Variants in BMERB1 observed in about 807,000 individuals in gnomAD.
BMERB1 encodes the protein bMERB domain containing 1, also known as bMERB domain-containing protein 1.
A neutral mutation model predicts 23.6 loss-of-function variants in BMERB1; 12 were observed. The ratio of observed to expected loss-of-function variants is 0.51; its 90% CI spans 0.33 to 0.82. The LOEUF (loss-of-function observed/expected upper bound fraction) is 0.82. Among genes scored for constraint, BMERB1 ranks in the 40% least tolerant of loss-of-function variants. The probability of loss-of-function intolerance (pLI) is 0.03; values close to 1 mark genes in which losing one functional copy is unlikely to be tolerated. For synonymous variants in BMERB1, 122 were observed against 96.6 expected (o/e 1.26, Z -1.54); for missense variants, 247 against 255.4 (o/e 0.97, Z 0.22).
chr16:15,491,569 G>A (rs898204714), intron 1 of BMERB1, among the ~76,000 whole-genome samples: 24 of 152,132 alleles, frequency 1.6e-4, no homozygotes, highest in African/African-American at 3.1e-4. Flanking sequence ...CCTATAGGCC[G>A]GGCATCATGG....
chr16:15,459,826 G>A (rs1438725285), intron 1 of BMERB1, among the ~76,000 whole-genome samples: 1 of 152,150 alleles, frequency 6.6e-6, no homozygotes, highest in Non-Finnish European at 1.5e-5. Context: ...AACATCCTGA[G>A]GGAAGAGGCA....
chr16:15,512,740 A>G (rs1268266617), intron 1 of BMERB1, among the ~76,000 whole-genome samples: 4 of 151,806 alleles, frequency 2.6e-5, no homozygotes, highest in African/African-American at 7.3e-5. Flanking sequence ...TTAGCTGGGC[A>G]TGGTGGCACG....
chr16:15,518,047 A>G (rs112162579), intron 2 of BMERB1, among the ~76,000 whole-genome samples: 2,675 of 151,862 alleles, frequency 0.018, 79 homozygotes, highest in African/African-American at 0.062. Flanking sequence ...GTGGGTATGG[A>G]TGTATGGATA....
chr16:15,521,707 T>C (rs181325410), intron 2 of BMERB1, among the ~76,000 whole-genome samples: 2 of 152,268 alleles, frequency 1.3e-5, no homozygotes, highest in Middle Eastern at 3.4e-3. Context: ...AGAGATCTCT[T>C]TCTTGAGGCT....
intron 2 of BMERB1, among the ~76,000 whole-genome samples, chr16:15,565,754 A>T (rs1246528640): frequency 6.6e-6 from 1 of 152,172 alleles, no homozygotes; most frequent in Non-Finnish European, 1.5e-5. Flanking sequence ...CAGCTACTTC[A>T]GAGGCTGAGG....
At chr16:15,526,863 A>G (rs1178166412) in intron 2 of BMERB1, among the ~76,000 whole-genome samples, 1 of 149,918 alleles carries the variant, frequency 6.7e-6, no homozygotes, top group Admixed American at 6.7e-5. Flanking sequence ...GGATGTTGGG[A>G]AAATAACTGC....
intron 1 of BMERB1, among the ~76,000 whole-genome samples, chr16:15,489,944 G>T (rs1331282598): frequency 6.6e-6 from 1 of 152,018 alleles, no homozygotes; most frequent in Non-Finnish European, 1.5e-5. Flanking sequence ...TCGGCTGGCT[G>T]CAAGCTACGC....
chr16:15,558,846 C>T (rs898965821), intron 2 of BMERB1, among the ~76,000 whole-genome samples: 21 of 150,510 alleles, frequency 1.4e-4, no homozygotes, highest in African/African-American at 4.1e-4. Flanking sequence ...CGTTCGGTTT[C>T]GCCATTCTCA....
chr16:15,458,409 T>C (rs568894777), intron 1 of BMERB1, among the ~76,000 whole-genome samples: 60 of 152,268 alleles, frequency 3.9e-4, no homozygotes, highest in Admixed American at 2.9e-3. Context: ...AAATAAGTGA[T>C]TGGATTCAGT....
In BMERB1 at chr16:15,548,174, G is replaced by A. The variant is rs1017205620; in HGVS notation, c.231-19809G>A. 2.6e-5 allele frequency among the ~76,000 whole-genome samples: 4 copies of A among 151,938 alleles called. No individual in the cohort carries two copies. In the South Asian group the frequency reaches 6.2e-4, roughly 24 times the overall value. On this transcript the variant is annotated intron_variant, in intron 2 of 5. Transcript: ENST00000300006. ...TAATTTTTGTATTTTTAGTAGAGAC[G>A]GGATTTCACCAGGTTGGCCAGGCTG...
chr16:15,448,526 G>T (rs2051010953), intron 1 of BMERB1, among the ~76,000 whole-genome samples: 1 of 152,204 alleles, frequency 6.6e-6, no homozygotes, highest in South Asian at 2.1e-4. Context: ...AGGCGCAGTG[G>T]CTTACGCCTG....
At chr16:15,486,274 T>C (rs2051367666) in intron 1 of BMERB1, among the ~76,000 whole-genome samples, 2 of 151,016 alleles carry the variant, frequency 1.3e-5, no homozygotes, top group Admixed American at 6.6e-5. Context: ...TGGTTCTAGG[T>C]GACCAAAACC....
chr16:15,519,727 C>T (rs899381293), intron 2 of BMERB1, among the ~76,000 whole-genome samples: 1 of 152,068 alleles, frequency 6.6e-6, no homozygotes, highest in Admixed American at 6.6e-5. Context: ...GACTGCCTGC[C>T]CCAGCCCCAA....
At chr16:15,578,982 G>T (rs960109656) in intron 3 of BMERB1, among the ~76,000 whole-genome samples, 2 of 152,154 alleles carry the variant, frequency 1.3e-5, no homozygotes, top group African/African-American at 4.8e-5. Context: ...GCTGACGCAG[G>T]CCACTTGTGT....
Position 15,504,273 on chromosome 16 carries a change from A to G in BMERB1, c.107-11032A>G, listed in dbSNP as rs182802165. On this transcript the variant is annotated intron_variant, in intron 1 of 5. Coordinates refer to ENST00000300006, the MANE Select transcript of BMERB1 (RefSeq NM_033201.3). ...ACCCCTTTTCTTTTCTCTCTTCTTA[A>G]TTTTAAATCTATTTTGCAAATGTAA... 2.0e-4 allele frequency among the ~76,000 whole-genome samples: 30 copies of G among 152,172 alleles called. No individual in the cohort carries two copies. The East Asian group carries it at 3.9e-3, about 20-fold the overall frequency.
intron 2 of BMERB1, among the ~76,000 whole-genome samples, chr16:15,522,962 C>T (rs1216354108): frequency 2.0e-5 from 3 of 152,158 alleles, no homozygotes; most frequent in African/African-American, 7.2e-5. Flanking sequence ...CTTTCTGTAT[C>T]CTGGGTTCTT....
intron 1 of BMERB1, among the ~76,000 whole-genome samples, chr16:15,476,652 G>A (rs547874527): frequency 6.6e-6 from 1 of 152,380 alleles, no homozygotes; most frequent in Non-Finnish European, 1.5e-5. Context: ...ACCAGGGTGA[G>A]AAGGAAAGAA....
At chr16:15,464,466 A>T (rs220082) in intron 1 of BMERB1, among the ~76,000 whole-genome samples, 25,340 of 152,018 alleles carry the variant, frequency 0.17, 2,451 homozygotes, top group East Asian at 0.35. Context: ...CTAATTTTTT[A>T]AAAAAGAAGA....
rs751006449 is a variant in BMERB1 at position 15,468,868 on chromosome 16, A to AT, written c.106+34111dup. 1.6e-3 allele frequency among the ~76,000 whole-genome samples: 250 copies of AT among 151,840 alleles called. 1 individual carries two copies. The highest frequency in any genetic ancestry group is 3.4e-3 in the Middle Eastern group (1 of 292). ...TTTATTTTTTGTGTAAAGCATGATA[A>AT]TTAGGTAGAGATTTATTTTTTTGGC... is the stretch of plus-strand genomic sequence containing the variant. On this transcript the variant is annotated intron_variant, in intron 1 of 5. Coordinates refer to ENST00000300006, the MANE Select transcript of BMERB1 (RefSeq NM_033201.3).
Sources: gnomAD v4.1 joint callset for allele counts (sites outside exome capture counted in the v4.1 genomes callset) on GRCh38, gnomAD v4.1.1 for gene constraint, MANE v1.5 for transcripts, NCBI Gene and HGNC (gene_info 2026-07-23, HGNC 2026-07-21) for gene names.